DNAJC13: variants seen among roughly 807,000 people sequenced by gnomAD.
The protein encoded by DNAJC13 is DnaJ heat shock protein family (Hsp40) member C13.
Under a neutral mutation model 290.5 loss-of-function variants are expected in DNAJC13, and 75 were observed. That is an observed-to-expected ratio of 0.26 (90% CI 0.21 to 0.31). DNAJC13 has a LOEUF of 0.31. Ranked by LOEUF, DNAJC13 falls within the 10% of genes least tolerant of loss-of-function variation. The probability of loss-of-function intolerance (pLI) is 1.00; values close to 1 mark genes in which losing one functional copy is unlikely to be tolerated. For synonymous variants in DNAJC13, 862 were observed against 892.0 expected (o/e 0.97, Z 0.60); for missense variants, 2,260 against 2,674.5 (o/e 0.85, Z 3.42).
At chr3:132,536,257 C>T (rs183801128) in intron 55 of DNAJC13, among the ~76,000 whole-genome samples, 1 of 152,250 alleles carries the variant, frequency 6.6e-6, no homozygotes, top group African/African-American at 2.4e-5. Flanking sequence ...AACTGTAGTC[C>T]ACATGGACAG....
In DNAJC13 at chr3:132,457,249, C is replaced by G; in HGVS notation, c.1350-20C>G. ...AATGTTCTGGTATTGCTAGTATATG[C>G]TTGTTTTTTGTTCCAAAAGGTTTCG... On this transcript the variant is annotated intron_variant, in intron 12 of 55. Coordinates refer to ENST00000260818, the MANE Select transcript of DNAJC13 (RefSeq NM_015268.4). The G allele has an allele frequency of 6.3e-7, 1 of 1,576,170 alleles. No individual in the cohort carries two copies. The highest frequency in any genetic ancestry group is 2.2e-5 in the East Asian group (1 of 44,536).
At chr3:132,468,646 C>T (rs546033534) in intron 20 of DNAJC13, among the ~76,000 whole-genome samples, 31 of 152,170 alleles carry the variant, frequency 2.0e-4, no homozygotes, top group African/African-American at 6.5e-4. Context: ...TTTCATAAAT[C>T]GGAATAACAA....
intron 1 of DNAJC13, among the ~76,000 whole-genome samples, chr3:132,426,644 T>C (rs1442609357): frequency 6.6e-6 from 1 of 152,182 alleles, no homozygotes; most frequent in Non-Finnish European, 1.5e-5. Context: ...ATACTAGAAA[T>C]TTTACAGATT....
Position 132,528,310 on chromosome 3 carries a change from G to A in DNAJC13, c.6503G>A (p.Arg2168Gln), listed in dbSNP as rs768222388. 7.4e-6 allele frequency: 12 copies of A among 1,614,020 alleles called. No homozygotes were observed. The highest frequency in any genetic ancestry group is 3.3e-4 in the Middle Eastern group (2 of 6,084). ...QIVKALKAMT[R>Q]SLQYGEQVNE... ...GTTAAAGCTCTCAAGGCAATGACTC[G>A]AAGTTTGCAGTATGGAGAACAGGTG... Residue 2168 changes from arginine (R) to glutamine (Q), a missense_variant, in exon 54 of 56, where the codon CGA (arginine) becomes CAA (glutamine). By Grantham distance (43) the Arg-to-Gln change is conservative. Transcript: ENST00000260818.
At chr3:132,506,980 T>C (rs1014255549) in intron 42 of DNAJC13, among the ~76,000 whole-genome samples, 3 of 152,246 alleles carry the variant, frequency 2.0e-5, no homozygotes, top group African/African-American at 7.2e-5. Context: ...TTATAAACTC[T>C]GGCTCTAAGA....
At chr3:132,445,971 A>G (rs932267222) in intron 2 of DNAJC13, among the ~76,000 whole-genome samples, 2 of 152,070 alleles carry the variant, frequency 1.3e-5, no homozygotes, top group African/African-American at 4.8e-5. Flanking sequence ...ACTTCTATAA[A>G]ATTGCAACAC....
At chr3:132,445,782 A>G (rs1260074718) in intron 2 of DNAJC13, among the ~76,000 whole-genome samples, 1 of 152,066 alleles carries the variant, frequency 6.6e-6, no homozygotes, top group African/African-American at 2.4e-5. Context: ...TTTTATTTCC[A>G]AAGAACTAAT....
At chr3:132,517,367 A>G (rs72994278) in intron 48 of DNAJC13, among the ~76,000 whole-genome samples, 115 of 152,320 alleles carry the variant, frequency 7.5e-4, no homozygotes, top group African/African-American at 2.6e-3. Context: ...CTGTTAAAAC[A>G]ATAGTTCTGA....
chr3:132,472,859 T>C (rs1230714469), intron 20 of DNAJC13, among the ~76,000 whole-genome samples: 1 of 152,242 alleles, frequency 6.6e-6, no homozygotes, highest in Non-Finnish European at 1.5e-5. Flanking sequence ...TAAATTTTAT[T>C]AATCACTGTA....
intron 55 of DNAJC13, 30 bp downstream of exon 55, chr3:132,531,127 A>G: frequency 6.3e-7 from 1 of 1,598,750 alleles, no homozygotes; most frequent in African/African-American, 1.3e-5. Flanking sequence ...TTATTGTAAG[A>G]CACCTGGCAG....
At chr3:132,472,239 A>T (rs936869697) in intron 20 of DNAJC13, among the ~76,000 whole-genome samples, 3 of 152,178 alleles carry the variant, frequency 2.0e-5, no homozygotes, top group Non-Finnish European at 4.4e-5. Flanking sequence ...AGAGGGAGAC[A>T]GAGGGAGAGG....
intron 31 of DNAJC13, among the ~76,000 whole-genome samples, chr3:132,490,302 G>A (rs1935023055): frequency 6.6e-6 from 1 of 152,088 alleles, no homozygotes; most frequent in African/African-American, 2.4e-5. Context: ...TAGCCCTTGG[G>A]ATTTTATTTC....
In DNAJC13 at chr3:132,453,315, G is replaced by T. The variant is rs1418898536; in HGVS notation, c.555G>T (p.Glu185Asp). Reference protein sequence around the residue: ...GFSRLHLFASEQREEIIKSAI... With the variant: ...GFSRLHLFASDQREEIIKSAI... ...TTGTGCAGCATTTATTTGCGTCAGA[G>T]CAAAGAGAAGAGATTATTAAAAGTG... The change falls in exon 7 of 56, where the codon GAG becomes GAT. Residue 185 changes from glutamate to aspartate, a missense_variant. This residue lies in a region of DNAJC13 where 762 missense variants were observed against 964.1 expected (regional missense o/e 0.79). Coordinates refer to ENST00000260818, the MANE Select transcript of DNAJC13 (RefSeq NM_015268.4). The T allele has an allele frequency of 1.2e-6, 2 of 1,613,226 alleles. No homozygotes were observed. The highest frequency in any genetic ancestry group is 2.7e-5 in the African/African-American group (2 of 74,868).
chr3:132,529,403 C>T (rs549642329), intron 54 of DNAJC13, among the ~76,000 whole-genome samples: 9 of 152,254 alleles, frequency 5.9e-5, no homozygotes, highest in African/African-American at 7.2e-5. Context: ...TACAGCTTCC[C>T]GGTAATGAAT....
chr3:132,516,379 C>T, intron 46 of DNAJC13, 43 bp from the exon 47 acceptor site: 1 of 1,588,720 alleles, frequency 6.3e-7, no homozygotes, highest in Non-Finnish European at 8.6e-7. Context: ...TAAATATAAG[C>T]TAACCTGATG....
chr3:132,465,959 A>G (rs1263381622), intron 17 of DNAJC13, 36 bp from the exon 18 acceptor site: 1 of 1,507,960 alleles, frequency 6.6e-7, no homozygotes, highest in South Asian at 1.1e-5. Flanking sequence ...AGCTGAGATA[A>G]AGCAGCAAAC....
intron 2 of DNAJC13, 26 bp from the exon 3 acceptor site, chr3:132,446,449 A>AT: frequency 6.4e-7 from 1 of 1,562,796 alleles, no homozygotes; most frequent in Non-Finnish European, 8.7e-7. Flanking sequence ...TTAAAACTAA[A>AT]TTTAAGCACT....
intron 26 of DNAJC13, among the ~76,000 whole-genome samples, 195 bp downstream of exon 26, chr3:132,480,665 G>T (rs1417406204): frequency 6.6e-6 from 1 of 152,214 alleles, no homozygotes; most frequent in Non-Finnish European, 1.5e-5. Context: ...AGTAACGATT[G>T]AGTTTTATTT....
At chr3:132,446,403 G>A (rs932452965) in intron 2 of DNAJC13, 72 bp from the exon 3 acceptor site, 7 of 1,047,392 alleles carry the variant, frequency 6.7e-6, no homozygotes, top group African/African-American at 6.5e-5. Context: ...TGTTTGTTTT[G>A]TGTTATATAT....
Sources: gnomAD v4.1 joint callset for allele counts (sites outside exome capture counted in the v4.1 genomes callset) on GRCh38, gnomAD v4.1.1 for gene constraint, gnomAD v4.1.1 regional missense constraint, MANE v1.5 for transcripts, NCBI Gene and HGNC (gene_info 2026-07-23, HGNC 2026-07-21) for gene names.